Variants in ADCY7 observed in about 807,000 individuals in gnomAD.
The protein encoded by ADCY7 is adenylate cyclase 7.
ADCY7 carries 72 observed loss-of-function variants against 120.6 expected under a neutral mutation model. The observed-to-expected ratio is 0.60, with a 90% CI of 0.49 to 0.73. The LOEUF (loss-of-function observed/expected upper bound fraction) is 0.73, where lower values mean the gene tolerates loss of function less well. Among genes scored for constraint, ADCY7 ranks in the 30% least tolerant of loss-of-function variants. The pLI is 0.00. For synonymous variants in ADCY7, 661 were observed against 628.0 expected, an observed-to-expected ratio of 1.05 and a Z score of -0.78; for missense variants, 1,227 against 1,486.0, an observed-to-expected ratio of 0.83 and a Z score of 2.87.
chr16:50,315,088 G>A lies in ADCY7; in HGVS notation c.3046G>A (p.Val1016Ile), dbSNP rs1460541632. The A allele has an allele frequency of 6.2e-7, 1 of 1,614,236 alleles. No individual in the cohort carries two copies. The highest frequency in any genetic ancestry group is 8.5e-7 in the Non-Finnish European group (1 of 1,180,050). Residue 1016 changes from valine (V) to isoleucine (I), a missense_variant, in exon 25 of 26, where the codon GTC becomes ATC. By Grantham distance (29) the Val-to-Ile change is conservative. This residue lies in a region of ADCY7 where 244 missense variants were observed against 332.8 expected (regional missense o/e 0.73). Transcript: ENST00000673801. ...KPQYDIWGNT[V>I]NVASRMESTG... ...TCAGTATGACATCTGGGGAAACACT[G>A]TCAATGTGGCCAGCCGAATGGAAAG...
upstream of ADCY7, among the ~76,000 whole-genome samples, chr16:50,245,336 G>A (rs2032546748): frequency 6.6e-6 from 1 of 152,192 alleles, no homozygotes; most frequent in Non-Finnish European, 1.5e-5. Flanking sequence ...CAATTCCTGG[G>A]TACCAGGGAG....
At position 50,315,060 on chromosome 16, in the gene ADCY7, A is replaced by G. The variant is rs200013875; in HGVS notation, c.3018A>G (p.Lys1006=). 51 of 1,614,210 alleles carry G rather than the reference A, an allele frequency of 3.2e-5. No individual in the cohort carries two copies. Among genetic ancestry groups the G allele is most frequent in the Non-Finnish European group, 4.1e-5 (48 of 1,180,042 alleles). ...PVIAGVIGAR[K]PQYDIWGNTV... ...TTGCTGGAGTGATTGGGGCCCGAAA[A>G]CCTCAGTATGACATCTGGGGAAACA... The change falls in exon 25 of 26, where the codon AAA becomes AAG. Residue 1006 remains lysine (K), a synonymous_variant. Coordinates refer to ENST00000673801, the MANE Select transcript of ADCY7 (RefSeq NM_001114.5).
intron 18 of ADCY7, 189 bp from the exon 19 acceptor site, chr16:50,310,498 A>AT (rs2036385005): frequency 2.0e-6 from 3 of 1,537,344 alleles, no homozygotes; most frequent in African/African-American, 1.4e-5. Flanking sequence ...TCACTTCATA[A>AT]GAAATAAAAC....
At chr16:50,299,809 G>T (rs2035598263) in intron 8 of ADCY7, among the ~76,000 whole-genome samples, 1 of 152,216 alleles carries the variant, frequency 6.6e-6, no homozygotes. Context: ...ACCCTGGAAG[G>T]CTTGGTCAGT....
chr16:50,294,359 T>C (rs2035202743), intron 6 of ADCY7, among the ~76,000 whole-genome samples: 1 of 152,100 alleles, frequency 6.6e-6, no homozygotes, highest in South Asian at 2.1e-4. Context: ...CCTGCAGGAG[T>C]GCCCTTCGGC....
intron 1 of ADCY7, among the ~76,000 whole-genome samples, chr16:50,250,842 A>T (rs1003005937): frequency 6.6e-6 from 1 of 152,164 alleles, no homozygotes; most frequent in Non-Finnish European, 1.5e-5. Flanking sequence ...AATGAGGCAA[A>T]ATTGTACAAA....
intron 18 of ADCY7, among the ~76,000 whole-genome samples, chr16:50,310,095 A>C (rs928171822): frequency 5.9e-5 from 9 of 152,224 alleles, no homozygotes; most frequent in African/African-American, 2.2e-4. Context: ...GCAGCTTCAG[A>C]GGCTGGCAGT....
intron 3 of ADCY7, among the ~76,000 whole-genome samples, chr16:50,290,913 G>A (rs1241832882): frequency 6.6e-6 from 1 of 152,174 alleles, no homozygotes; most frequent in African/African-American, 2.4e-5. Context: ...AGCTCAAAGA[G>A]GCAAAAAGGC....
At chr16:50,300,375 A>G (rs1022638684) in intron 8 of ADCY7, among the ~76,000 whole-genome samples, 20 of 152,314 alleles carry the variant, frequency 1.3e-4, no homozygotes, top group African/African-American at 4.6e-4. Flanking sequence ...CCCGGCCCCC[A>G]GTAAACTTTT....
chr16:50,274,506 C>T (rs1353122192), intron 1 of ADCY7, among the ~76,000 whole-genome samples: 1 of 152,028 alleles, frequency 6.6e-6, no homozygotes, highest in Non-Finnish European at 1.5e-5. Context: ...GCTCTTGGCG[C>T]GGTTTCACGA....
At chr16:50,283,437 C>T (rs1353675868) in intron 1 of ADCY7, among the ~76,000 whole-genome samples, 2 of 152,190 alleles carry the variant, frequency 1.3e-5, no homozygotes, top group African/African-American at 4.8e-5. Context: ...CGCCTCTTTC[C>T]CTGGGTCAGC....
rs775129196 is a variant in ADCY7 at position 50,307,165 on chromosome 16, G to T, written c.1850+18G>T. Reference sequence around the variant, plus strand: ...ATGCCCAGGTCAGTTGCAGGGAGGGGTGTGGGGGTCCGGCCTGCTGGGATC... The same window carrying T: ...ATGCCCAGGTCAGTTGCAGGGAGGGTTGTGGGGGTCCGGCCTGCTGGGATC... On this transcript the variant is annotated intron_variant, in intron 15 of 25. Transcript: ENST00000673801. 2.6e-5 allele frequency: 41 copies of T among 1,607,144 alleles called. No individual in the cohort carries two copies. The highest frequency in any genetic ancestry group is 5.0e-5 in the Admixed American group (3 of 59,902).
intron 22 of ADCY7, 189 bp downstream of exon 22, chr16:50,313,225 TG>T: frequency 1.6e-6 from 1 of 611,688 alleles, no homozygotes. Context: ...GAGACCAGCC[TG>T]GCCAACATGG....
chr16:50,250,449 T>A, intron 1 of ADCY7, among the ~76,000 whole-genome samples: 1 of 121,806 alleles, frequency 8.2e-6, no homozygotes, highest in African/African-American at 3.4e-5. Flanking sequence ...AAAGCAAGAC[T>A]CTATCTCAAA....
chr16:50,300,991 C>T, intron 9 of ADCY7, 91 bp from the exon 10 acceptor site: 2 of 1,547,318 alleles, frequency 1.3e-6, no homozygotes, highest in South Asian at 2.4e-5. Context: ...GAAAAGCTGG[C>T]CTGGGGCCCA....
chr16:50,310,913 A>ATCCCCG (rs369383027), intron 19 of ADCY7, 33 bp downstream of exon 19: 21 of 1,539,524 alleles, frequency 1.4e-5, no homozygotes, highest in African/African-American at 1.1e-4. Context: ...CCCCATCCCC[A>ATCCCCG]TGGTGGCCTG....
At chr16:50,282,559 A>G (rs2034338461) in intron 1 of ADCY7, among the ~76,000 whole-genome samples, 1 of 152,128 alleles carries the variant, frequency 6.6e-6, no homozygotes, top group Non-Finnish European at 1.5e-5. Flanking sequence ...AAGTAATTCG[A>G]TGGGGTCCCC....
chr16:50,305,081 G>T, intron 12 of ADCY7, 122 bp downstream of exon 12: 30 of 1,308,396 alleles, frequency 2.3e-5, no homozygotes, highest in Non-Finnish European at 3.3e-5. Context: ...CTGTGAAGTT[G>T]GCCAGGGCTT....
chr16:50,288,245 C>T lies in ADCY7; in HGVS notation c.66C>T (p.Tyr22=), dbSNP rs751373586. Residue 22 remains tyrosine, a synonymous_variant, in exon 2 of 26, where the codon TAC becomes TAT. Coordinates refer to ENST00000673801, the MANE Select transcript of ADCY7 (RefSeq NM_001114.5). ...GEEGPDQDAL[Y]EKYQLTSQHG... ...AGGGCCCTGACCAAGATGCGCTCTA[C>T]GAGAAGTACCAGCTCACCAGCCAGC... 46 of 1,551,296 alleles carry T rather than the reference C, an allele frequency of 3.0e-5. No individual in the cohort carries two copies. The highest frequency in any genetic ancestry group is 1.2e-4 in the African/African-American group (9 of 73,046).
Sources: gnomAD v4.1 joint callset for allele counts (sites outside exome capture counted in the v4.1 genomes callset) on GRCh38, gnomAD v4.1.1 for gene constraint, gnomAD v4.1.1 regional missense constraint, MANE v1.5 for transcripts, NCBI Gene and HGNC (gene_info 2026-07-23, HGNC 2026-07-21) for gene names.